Variants in PTPRG observed in about 807,000 individuals in gnomAD.
The protein encoded by PTPRG is receptor-type tyrosine-protein phosphatase gamma.
In PTPRG, 102 loss-of-function variants were observed where a neutral mutation model predicts 165.3. That is an observed-to-expected ratio of 0.62 (90% confidence interval 0.53 to 0.73). The LOEUF (loss-of-function observed/expected upper bound fraction) is 0.73, where lower values mean the gene tolerates loss of function less well. Among genes scored for constraint, PTPRG ranks in the 30% least tolerant of loss-of-function variants. PTPRG has a pLI of 0.00. For synonymous variants in PTPRG, 675 were observed against 669.5 expected (o/e 1.01, Z -0.13); for missense variants, 1,866 against 1,861.4 (o/e 1.00, Z -0.05).
In PTPRG at chr3:61,723,329, A is replaced by C. The variant is rs562217621; in HGVS notation, c.86-25549A>C. On this transcript the variant is annotated intron_variant, in intron 1 of 29. Transcript: ENST00000474889. ...TCATGGCCTGATGATCTGTTGAGAT[A>C]TCTTTCTAAGAAGTTGCTAAGTTTT... is the stretch of plus-strand genomic sequence containing the variant. 2.0e-5 allele frequency among the ~76,000 whole-genome samples: 3 copies of C among 152,166 alleles called. No homozygotes were observed. In the South Asian group the frequency reaches 6.2e-4, roughly 32 times the overall value.
rs1452593807 is a variant in PTPRG at position 62,228,822 on chromosome 3, C to A, written c.2289-2403C>A. Among the ~76,000 whole-genome samples, 1 of 152,150 alleles carries A rather than the reference C, an allele frequency of 6.6e-6. No homozygotes were observed. Among genetic ancestry groups the A allele is most frequent in the Non-Finnish European group, 1.5e-5 (1 of 68,024 alleles). ...AAGGTAGGTTTATATAAAACTTTGT[C>A]TAGTTTGGAAAACTCTGAGCTTCCA... On this transcript the variant is annotated intron_variant, in intron 13 of 29. Transcript: ENST00000474889. The surrounding 1 kb of genome is among the most constrained non-coding windows in gnomAD (Gnocchi z 4.1).
At position 61,562,244 on chromosome 3, in the gene PTPRG, A is replaced by G. The variant is rs1699774826; in HGVS notation, c.-44A>G. The stretch of plus-strand genomic sequence containing the variant: ...CACGGAGGCAAGAACTTATTCAACA[A>G]GTTTACCTCCCTGCTTTCCTCTTTT... On this transcript the variant is annotated 5_prime_UTR_variant, in exon 1 of 30. Transcript: ENST00000474889. 6.4e-7 allele frequency: 1 copy of G among 1,570,606 alleles called. No individual in the cohort carries two copies. The highest frequency in any genetic ancestry group is 1.7e-5 in the Admixed American group (1 of 59,944).
intron 26 of PTPRG, 125 bp from the exon 27 acceptor site, chr3:62,281,438 C>T: frequency 2.6e-6 from 2 of 775,124 alleles, no homozygotes. Context: ...GAACATATAA[C>T]TCTTATGAAT....
intron 6 of PTPRG, among the ~76,000 whole-genome samples, chr3:62,153,288 G>T (rs1226707395): frequency 6.6e-6 from 1 of 152,232 alleles, no homozygotes; most frequent in Non-Finnish European, 1.5e-5. Context: ...CACTGGGCCA[G>T]GAACTATACC....
chr3:61,804,516 C>T (rs375873296), intron 2 of PTPRG, among the ~76,000 whole-genome samples: 9 of 152,228 alleles, frequency 5.9e-5, no homozygotes, highest in East Asian at 1.9e-4. Flanking sequence ...AGACTGTATT[C>T]GGCAACCTTT....
intron 2 of PTPRG, among the ~76,000 whole-genome samples, chr3:61,919,228 C>T (rs1355805660): frequency 3.3e-5 from 5 of 152,176 alleles, no homozygotes; most frequent in Admixed American, 2.6e-4. Flanking sequence ...TCTCCTGCTT[C>T]ATTTTCGGTG....
chr3:61,697,272 G>C (rs529599350), intron 1 of PTPRG, among the ~76,000 whole-genome samples: 5 of 152,048 alleles, frequency 3.3e-5, no homozygotes, highest in East Asian at 1.9e-4. Context: ...ACAATACTCC[G>C]AAGTCTCATA....
chr3:62,064,041 A>G (rs772015565), intron 4 of PTPRG, among the ~76,000 whole-genome samples: 1 of 152,150 alleles, frequency 6.6e-6, no homozygotes, highest in Non-Finnish European at 1.5e-5. Flanking sequence ...AAATGGATCT[A>G]TTAGATTCAC....
chr3:62,053,055 A>T (rs1700513892), intron 4 of PTPRG, among the ~76,000 whole-genome samples: 1 of 152,074 alleles, frequency 6.6e-6, no homozygotes, highest in South Asian at 2.1e-4. Flanking sequence ...TTCCAGTTTC[A>T]ATAGTGTTTG....
chr3:61,685,983 T>A (rs1703612244), intron 1 of PTPRG, among the ~76,000 whole-genome samples: 1 of 152,118 alleles, frequency 6.6e-6, no homozygotes. Context: ...CTTGTTGGGG[T>A]ATGAGTGGGA....
intron 1 of PTPRG, among the ~76,000 whole-genome samples, chr3:61,608,429 G>A (rs1424393343): frequency 6.6e-6 from 1 of 152,180 alleles, no homozygotes; most frequent in Non-Finnish European, 1.5e-5. Flanking sequence ...TGTGTGCTGG[G>A]CCCTTCCGTG....
At chr3:62,170,650 T>A (rs1705181783) in intron 8 of PTPRG, among the ~76,000 whole-genome samples, 1 of 152,168 alleles carries the variant, frequency 6.6e-6, no homozygotes, top group Non-Finnish European at 1.5e-5. Context: ...TCATGTGTCA[T>A]TCTACTAGGT....
chr3:61,844,822 C>G (rs990144908), intron 2 of PTPRG, among the ~76,000 whole-genome samples: 22 of 152,196 alleles, frequency 1.4e-4, no homozygotes, highest in Middle Eastern at 3.4e-3. Flanking sequence ...ATATTATTTG[C>G]TAAATCTGGC....
At chr3:61,830,002 AAAG>A (rs2036228227) in intron 2 of PTPRG, among the ~76,000 whole-genome samples, 1 of 152,238 alleles carries the variant, frequency 6.6e-6, no homozygotes, top group Admixed American at 6.5e-5. Flanking sequence ...AGCTCACAGA[AAAG>A]AAGAGGAGAA....
intron 2 of PTPRG, among the ~76,000 whole-genome samples, chr3:61,928,518 T>G (rs377484705): frequency 6.6e-6 from 1 of 152,190 alleles, no homozygotes; most frequent in African/African-American, 2.4e-5. Flanking sequence ...GGAGGGTATT[T>G]ATTCAGATTT....
chr3:61,687,705 C>T (rs1703679127), intron 1 of PTPRG, among the ~76,000 whole-genome samples: 1 of 152,216 alleles, frequency 6.6e-6, no homozygotes, highest in Non-Finnish European at 1.5e-5. Flanking sequence ...TTTATTAACA[C>T]ATTAGACAAA....
intron 5 of PTPRG, among the ~76,000 whole-genome samples, chr3:62,090,512 A>G (rs1324835209): frequency 6.6e-6 from 1 of 152,190 alleles, no homozygotes; most frequent in Non-Finnish European, 1.5e-5. Context: ...AATGGCTGTC[A>G]GACCAAAGTT....
At chr3:61,711,891 G>T (rs1302169324) in intron 1 of PTPRG, among the ~76,000 whole-genome samples, 2 of 139,604 alleles carry the variant, frequency 1.4e-5, no homozygotes, top group Non-Finnish European at 1.6e-5. Context: ...TGTTATTATA[G>T]TCTTTTTTTT....
intron 2 of PTPRG, among the ~76,000 whole-genome samples, chr3:61,843,871 C>G (rs999628134): frequency 1.3e-5 from 2 of 150,548 alleles, no homozygotes; most frequent in African/African-American, 4.9e-5. Context: ...CAATTCCATG[C>G]ACTTAAAATG....
Sources: allele counts gnomAD v4.1 joint callset (sites outside exome capture counted in the v4.1 genomes callset), GRCh38; gene constraint gnomAD v4.1.1; non-coding constraint Gnocchi (gnomAD v3.1); transcripts MANE v1.5; gene names NCBI Gene and HGNC (gene_info 2026-07-23, HGNC 2026-07-21).